MAPK6: variants seen among roughly 807,000 people sequenced by gnomAD.
MAPK6 encodes mitogen-activated protein kinase 6.
Under a neutral mutation model 59.3 loss-of-function variants are expected in MAPK6, and 19 were observed. The observed-to-expected ratio is 0.32, with a 90% CI of 0.22 to 0.47. The LOEUF (loss-of-function observed/expected upper bound fraction) is 0.47, where lower values mean the gene tolerates loss of function less well. Among genes scored for constraint, MAPK6 ranks in the 20% least tolerant of loss-of-function variants. MAPK6 has a pLI of 1.00. For missense variants in MAPK6, 724 were observed against 847.9 expected (o/e 0.85, Z 1.81); for synonymous variants, 316 against 290.3 (o/e 1.09, Z -0.90).
At chr15:52,036,145 G>T (rs928297337) in intron 1 of MAPK6, among the ~76,000 whole-genome samples, 1 of 152,164 alleles carries the variant, frequency 6.6e-6, no homozygotes, top group Non-Finnish European at 1.5e-5. Context: ...CTGCCTGGGT[G>T]ACAGGGCAAG....
At chr15:52,030,300 G>A (rs184758559) in intron 1 of MAPK6, among the ~76,000 whole-genome samples, 132 of 152,230 alleles carry the variant, frequency 8.7e-4, no homozygotes, top group African/African-American at 2.4e-3. Flanking sequence ...CGAGCTCTTC[G>A]GAAGCAGAAG....
At chr15:52,024,343 C>T (rs909568822) in intron 1 of MAPK6, among the ~76,000 whole-genome samples, 2 of 151,978 alleles carry the variant, frequency 1.3e-5, no homozygotes. Context: ...AGAATCTTGA[C>T]TTCATCTCAG....
chr15:52,013,035 A>G (rs1473003108), intron 3 of MAPK6, among the ~76,000 whole-genome samples: 1 of 100,024 alleles, frequency 1.0e-5, no homozygotes, highest in African/African-American at 4.8e-5. Flanking sequence ...ATATATATAT[A>G]TATATATATA....
chr15:52,001,853 C>T (rs1369439205), intron 2 of MAPK6, among the ~76,000 whole-genome samples: 1 of 152,154 alleles, frequency 6.6e-6, no homozygotes, highest in African/African-American at 2.4e-5. Context: ...TCTGTAGGCT[C>T]AGAGGGTCAA....
rs200832424 is a variant in MAPK6, at chr15:52,063,937, C to G, written c.1103C>G (p.Pro368Arg). The change falls in exon 6 of 6, where the codon CCT becomes CGT. Residue 368 changes from proline to arginine, a missense_variant. This residue lies in a region of MAPK6 where 502 missense variants were observed against 507.6 expected (regional missense o/e 0.99). Transcript: ENST00000261845. Reference protein sequence around the residue: ...HDCQFSEHDWPVHNNFDIDEV... With the variant: ...HDCQFSEHDWRVHNNFDIDEV... ...TGTCAGTTTTCAGAGCATGATTGGC[C>G]TGTACATAACAACTTTGATATTGAT... The G allele has an allele frequency of 6.3e-7, 1 of 1,585,312 alleles. No individual in the cohort carries two copies. The highest frequency in any genetic ancestry group is 8.6e-7 in the Non-Finnish European group (1 of 1,165,274).
chr15:52,046,976 T>C lies in MAPK6; in HGVS notation c.516T>C (p.Phe172=). The change falls in exon 2 of 6, where the codon TTT becomes TTC. Residue 172 remains phenylalanine, a synonymous_variant. Transcript: ENST00000261845. The part of the protein sequence containing the change: ...TEDLVLKIGD[F]GLARIMDPHY... ...ACTTGGTGCTGAAGATAGGTGACTT[T>C]GGTCTTGCACGGATCATGGATCCTC... 1 of 1,604,616 alleles carries C rather than the reference T, an allele frequency of 6.2e-7. No individual in the cohort carries two copies. Among genetic ancestry groups the C allele is most frequent in the South Asian group, 1.1e-5 (1 of 89,014 alleles).
chr15:51,992,205 A>G (rs1284395328), intron 2 of MAPK6, among the ~76,000 whole-genome samples: 1 of 151,844 alleles, frequency 6.6e-6, no homozygotes, highest in Non-Finnish European at 1.5e-5. Flanking sequence ...TGATCTGCCT[A>G]TCTCAGCCTC....
intron 2 of MAPK6, among the ~76,000 whole-genome samples, chr15:51,993,217 C>T (rs928113721): frequency 2.0e-5 from 3 of 152,180 alleles, no homozygotes; most frequent in African/African-American, 7.2e-5. Context: ...GTATCATATG[C>T]ACCTGTCACT....
chr15:52,059,506 C>A (rs557188628), intron 4 of MAPK6, among the ~76,000 whole-genome samples: 1 of 152,076 alleles, frequency 6.6e-6, no homozygotes, highest in South Asian at 2.1e-4. Context: ...GTCTGCATAC[C>A]CTCTCTAAGG....
chr15:51,982,697 G>A (rs2414121), intron 1 of MAPK6, among the ~76,000 whole-genome samples: 17,657 of 151,912 alleles, frequency 0.12, 2,497 homozygotes, highest in African/African-American at 0.33. Flanking sequence ...AAATAAAAAA[G>A]GTATTTTTCA....
intron 1 of MAPK6, among the ~76,000 whole-genome samples, chr15:52,037,141 A>G (rs1421822315): frequency 6.6e-6 from 1 of 152,118 alleles, no homozygotes; most frequent in Non-Finnish European, 1.5e-5. Flanking sequence ...TACAAAAAGA[A>G]AAAGAAAAAA....
chr15:51,989,449 G>C (rs1311937616), intron 2 of MAPK6, among the ~76,000 whole-genome samples: 2 of 152,032 alleles, frequency 1.3e-5, no homozygotes, highest in Non-Finnish European at 2.9e-5. Flanking sequence ...GATAGCTTTT[G>C]GGGGGATATA....
intron 3 of MAPK6, among the ~76,000 whole-genome samples, chr15:52,051,869 CAA>C (rs779400629): frequency 3.1e-4 from 26 of 84,184 alleles, no homozygotes; most frequent in Admixed American, 5.4e-4. Context: ...GACTCTGTCT[CAA>C]AAAAAAAAAA....
intron 3 of MAPK6, 89 bp from the exon 4 acceptor site, chr15:52,058,544 C>A: frequency 9.0e-7 from 1 of 1,114,448 alleles, no homozygotes; most frequent in Non-Finnish European, 1.2e-6. Flanking sequence ...CCCCACTGGT[C>A]ATTATAATAT....
upstream of MAPK6, among the ~76,000 whole-genome samples, chr15:52,016,070 G>GCGCGCGCGCGCGCACACACACA: frequency 7.2e-5 from 4 of 55,390 alleles, no homozygotes; most frequent in Non-Finnish European, 1.4e-4. Flanking sequence ...GCGCGCGCGC[G>GCGCGCGCGCGCGCACACACACA]CACACACACA....
chr15:51,996,781 C>T (rs915156801), intron 2 of MAPK6, among the ~76,000 whole-genome samples: 1 of 152,058 alleles, frequency 6.6e-6, no homozygotes, highest in Non-Finnish European at 1.5e-5. Context: ...CAGCCTGCAA[C>T]TCCTGGGCTC....
rs2057184445 is a variant in MAPK6 at position 51,984,468 on chromosome 15, T to TTTTGTA, written c.-770+1156_-770+1157insGTATTT. Among the ~76,000 whole-genome samples the TTTTGTA allele has an allele frequency of 2.1e-5, 3 of 141,988 alleles. No homozygotes were observed. In the East Asian group the frequency reaches 6.2e-4, roughly 29 times the overall value. The allele number at this position is 141,988 out of a possible 152,430, so 93.1% of individuals were successfully genotyped here. ...GCTAATTTTTTTTTTTTTTTTTTTT[T>TTTTGTA]TTTTTTTTGTATTTTTAGTACAGAC... On this transcript the variant is annotated intron_variant, in intron 2 of 7. Coordinates refer to the MAPK6 transcript ENST00000691380.
intron 1 of MAPK6, among the ~76,000 whole-genome samples, chr15:52,020,924 C>T (rs764696295): frequency 2.6e-5 from 4 of 152,060 alleles, no homozygotes; most frequent in Non-Finnish European, 4.4e-5. Context: ...AGAAAATATG[C>T]CAGATTTGAG....
intron 2 of MAPK6, among the ~76,000 whole-genome samples, chr15:51,998,489 G>A (rs1302018709): frequency 1.4e-5 from 2 of 146,976 alleles, no homozygotes; most frequent in African/African-American, 5.0e-5. Flanking sequence ...ACAGGCATGA[G>A]CCACCGCACC....
Sources: allele counts gnomAD v4.1 joint callset (sites outside exome capture counted in the v4.1 genomes callset), GRCh38; gene constraint gnomAD v4.1.1; regional missense constraint gnomAD v4.1.1; transcripts MANE v1.5; gene names NCBI Gene and HGNC (gene_info 2026-07-23, HGNC 2026-07-21).